SPAG16: variants seen among roughly 807,000 people sequenced by gnomAD.
SPAG16 encodes sperm-associated antigen 16 protein.
SPAG16 carries 86 observed loss-of-function variants against 80.4 expected under a neutral mutation model. The ratio of observed to expected loss-of-function variants is 1.07; its 90% confidence interval spans 0.90 to 1.28. SPAG16 has a LOEUF of 1.28. SPAG16 is among the 50% of genes most tolerant of loss of function. The probability of loss-of-function intolerance (pLI) is 0.00; values close to 1 mark genes in which losing one functional copy is unlikely to be tolerated. For synonymous variants in SPAG16, 294 were observed against 265.9 expected, an observed-to-expected ratio of 1.11 and a Z score of -1.03; for missense variants, 870 against 765.3, an observed-to-expected ratio of 1.14 and a Z score of -1.61.
intron 10 of SPAG16, among the ~76,000 whole-genome samples, chr2:213,765,506 T>C (rs561768539): frequency 2.0e-5 from 3 of 152,234 alleles, no homozygotes; most frequent in Non-Finnish European, 4.4e-5. Flanking sequence ...CTCTTGAGTC[T>C]ATATGTGTAT....
chr2:213,398,188 G>A (rs187922557), intron 9 of SPAG16, among the ~76,000 whole-genome samples: 13 of 145,724 alleles, frequency 8.9e-5, no homozygotes, highest in Middle Eastern at 3.5e-3. Flanking sequence ...TTTTGCCACC[G>A]TCTGTAGTTT....
intron 5 of SPAG16, among the ~76,000 whole-genome samples, chr2:213,324,314 G>T (rs2063753581): frequency 6.6e-6 from 1 of 152,040 alleles, no homozygotes; most frequent in Non-Finnish European, 1.5e-5. Flanking sequence ...ATACATTGAA[G>T]TATATGTCTT....
chr2:213,784,626 TAAAAAAAA>T (rs71063777), intron 10 of SPAG16, among the ~76,000 whole-genome samples: 3 of 47,934 alleles, frequency 6.3e-5, no homozygotes, highest in South Asian at 1.4e-3. Context: ...CAATTATTTC[TAAAAAAAA>T]AAAAAAAAAA....
intron 15 of SPAG16, among the ~76,000 whole-genome samples, chr2:214,176,472 G>A (rs1271696258): frequency 1.3e-5 from 2 of 151,154 alleles, no homozygotes; most frequent in East Asian, 3.9e-4. Flanking sequence ...AGTTTTCCAA[G>A]TAGGCTACTA....
At chr2:213,779,398 T>G (rs2069804246) in intron 10 of SPAG16, among the ~76,000 whole-genome samples, 1 of 152,170 alleles carries the variant, frequency 6.6e-6, no homozygotes, top group African/African-American at 2.4e-5. Context: ...TTTAAAAAAA[T>G]TGTGCTTGCC....
At chr2:214,335,327 G>C (rs2126019270) in intron 15 of SPAG16, among the ~76,000 whole-genome samples, 1 of 152,252 alleles carries the variant, frequency 6.6e-6, no homozygotes. Flanking sequence ...GAACATCTCT[G>C]TGACGCCCCG....
chr2:214,059,965 A>G (rs540561426), intron 13 of SPAG16, among the ~76,000 whole-genome samples: 1 of 151,556 alleles, frequency 6.6e-6, no homozygotes, highest in Admixed American at 6.6e-5. Context: ...TCTTTTTTTC[A>G]CCCTGAGTAT....
chr2:213,768,368 G>T (rs761677894), intron 10 of SPAG16, among the ~76,000 whole-genome samples: 1 of 152,168 alleles, frequency 6.6e-6, no homozygotes. Context: ...TGCCAAGAGT[G>T]GATTGCAGAT....
At chr2:214,360,684 G>T (rs1436527364) in intron 15 of SPAG16, among the ~76,000 whole-genome samples, 1 of 151,812 alleles carries the variant, frequency 6.6e-6, no homozygotes, top group East Asian at 1.9e-4. Context: ...CCTTTGCTCT[G>T]TACTAGTGCA....
chr2:214,349,176 T>G (rs554366560), intron 15 of SPAG16, among the ~76,000 whole-genome samples: 5 of 152,254 alleles, frequency 3.3e-5, no homozygotes, highest in South Asian at 2.1e-4. Flanking sequence ...CAAGGCCAAA[T>G]AGCCAAGTCC....
chr2:213,463,333 G>A (rs1201695253), intron 9 of SPAG16, among the ~76,000 whole-genome samples: 1 of 152,228 alleles, frequency 6.6e-6, no homozygotes, highest in Admixed American at 6.5e-5. Context: ...GCAGAAATTT[G>A]CTTAAGTAAC....
At chr2:213,804,648 A>C (rs2071638419) in intron 10 of SPAG16, among the ~76,000 whole-genome samples, 2 of 152,200 alleles carry the variant, frequency 1.3e-5, no homozygotes, top group Admixed American at 1.3e-4. Flanking sequence ...GCGCCACTGC[A>C]GTCCAGCTTG....
intron 15 of SPAG16, among the ~76,000 whole-genome samples, chr2:214,403,794 T>C (rs1701845391): frequency 6.6e-6 from 1 of 152,194 alleles, no homozygotes; most frequent in South Asian, 2.1e-4. Flanking sequence ...CCCCTGTTCC[T>C]GAGTAATCAC....
At chr2:214,140,942 G>C (rs1425195671) in intron 14 of SPAG16, among the ~76,000 whole-genome samples, 16 of 95,512 alleles carry the variant, frequency 1.7e-4, no homozygotes, top group Non-Finnish European at 1.9e-4. Context: ...GTGGGGGGGG[G>C]GGGGTGGGGG....
chr2:214,144,001 T>A lies in SPAG16; in HGVS notation c.1594-5139T>A, dbSNP rs186295791. Reference sequence around the variant, plus strand: ...AGCAAGACCCTGTCTATAAAAAAAATTTAAAAATTAGCTGGGGGTGTTGAC... The same window carrying A: ...AGCAAGACCCTGTCTATAAAAAAAAATTAAAAATTAGCTGGGGGTGTTGAC... On this transcript the variant is annotated intron_variant, in intron 14 of 15. Coordinates refer to ENST00000331683, the MANE Select transcript of SPAG16 (RefSeq NM_024532.5). 1.9e-3 allele frequency among the ~76,000 whole-genome samples: 294 copies of A among 152,050 alleles called. 1 individual carries two copies. The highest frequency in any genetic ancestry group is 6.8e-3 in the African/African-American group (280 of 41,476).
At chr2:213,854,594 G>A (rs1400984688) in intron 10 of SPAG16, among the ~76,000 whole-genome samples, 1 of 152,164 alleles carries the variant, frequency 6.6e-6, no homozygotes, top group African/African-American at 2.4e-5. Context: ...TTCACTATGT[G>A]TCTAGCACCA....
intron 10 of SPAG16, among the ~76,000 whole-genome samples, chr2:213,535,113 C>T (rs184888541): frequency 6.6e-6 from 1 of 152,034 alleles, no homozygotes; most frequent in African/African-American, 2.4e-5. Flanking sequence ...TGGTCTATGG[C>T]AAAAATCAAA....
chr2:213,506,663 A>G (rs892975136), intron 10 of SPAG16, among the ~76,000 whole-genome samples: 1 of 152,192 alleles, frequency 6.6e-6, no homozygotes. Context: ...CCATGCTGCC[A>G]TCCCATCTGC....
chr2:214,016,648 G>A (rs761686442), intron 13 of SPAG16, among the ~76,000 whole-genome samples: 25 of 152,162 alleles, frequency 1.6e-4, no homozygotes, highest in Admixed American at 8.5e-4. Context: ...TTGCTTATGG[G>A]TAAGATCGGG....
Sources: gnomAD v4.1 joint callset for allele counts (sites outside exome capture counted in the v4.1 genomes callset) on GRCh38, gnomAD v4.1.1 for gene constraint, MANE v1.5 for transcripts, NCBI Gene and HGNC (gene_info 2026-07-23, HGNC 2026-07-21) for gene names.